Variants in CSMD1 observed in about 807,000 individuals in gnomAD.
CSMD1 encodes CUB and Sushi multiple domains 1.
Under a neutral mutation model 417.5 loss-of-function variants are expected in CSMD1, and 213 were observed. The ratio of observed to expected loss-of-function variants is 0.51; its 90% CI spans 0.46 to 0.57. CSMD1 has a LOEUF of 0.57. CSMD1 is among the 20% of genes least tolerant of loss of function. The pLI, the probability that CSMD1 is intolerant of heterozygous loss-of-function variation, is 0.00. For synonymous variants in CSMD1, 2,862 were observed against 1,736.8 expected (o/e 1.65, Z -16.11); for missense variants, 6,923 against 4,529.7 (o/e 1.53, Z -15.17).
intron 4 of CSMD1, among the ~76,000 whole-genome samples, chr8:4,029,568 G>C (rs1010261540): frequency 6.6e-6 from 1 of 152,032 alleles, no homozygotes; most frequent in African/African-American, 2.4e-5. Flanking sequence ...CCTCCCACTG[G>C]CTTCCTCCCA....
chr8:3,240,845 G>T (rs375208343), intron 26 of CSMD1, among the ~76,000 whole-genome samples: 6 of 152,162 alleles, frequency 3.9e-5, no homozygotes, highest in African/African-American at 1.4e-4. Context: ...TCTGGTTCTA[G>T]AACAGGTAAA....
intron 5 of CSMD1, among the ~76,000 whole-genome samples, chr8:3,839,013 T>G (rs1427263408): frequency 7.8e-6 from 1 of 127,774 alleles, no homozygotes; most frequent in Non-Finnish European, 1.6e-5. Flanking sequence ...ATTATATATT[T>G]ATATGTTGAT....
At chr8:3,103,338 T>G (rs962157164) in intron 46 of CSMD1, among the ~76,000 whole-genome samples, 1 of 152,126 alleles carries the variant, frequency 6.6e-6, no homozygotes, top group Non-Finnish European at 1.5e-5. Context: ...ACCTTCAGTT[T>G]GGTCCAGGAA....
At chr8:3,938,902 C>G (rs564604768) in intron 5 of CSMD1, among the ~76,000 whole-genome samples, 28 of 152,028 alleles carry the variant, frequency 1.8e-4, no homozygotes, top group African/African-American at 6.8e-4. Context: ...TATCTATATG[C>G]TCAATACTCT....
At chr8:4,821,082 G>A (rs948500220) in intron 1 of CSMD1, among the ~76,000 whole-genome samples, 1 of 152,100 alleles carries the variant, frequency 6.6e-6, no homozygotes, top group African/African-American at 2.4e-5. Context: ...TCTTCCTTAA[G>A]TGTAAAAAGA....
intron 1 of CSMD1, among the ~76,000 whole-genome samples, chr8:4,658,860 G>A (rs1239908571): frequency 6.6e-6 from 1 of 152,080 alleles, no homozygotes. Flanking sequence ...ATGGTCTGGG[G>A]TTGGGAGTCT....
At chr8:2,961,737 C>T (rs552100886) in intron 61 of CSMD1, among the ~76,000 whole-genome samples, 1 of 152,320 alleles carries the variant, frequency 6.6e-6, no homozygotes, top group East Asian at 1.9e-4. Flanking sequence ...AGTGGCACTT[C>T]AGCTCTCTTA....
intron 10 of CSMD1, among the ~76,000 whole-genome samples, chr8:3,503,388 G>T (rs892254876): frequency 6.6e-6 from 1 of 152,216 alleles, no homozygotes; most frequent in Non-Finnish European, 1.5e-5. Context: ...GCTACAAAAA[G>T]TCAAAGCTGC....
intron 7 of CSMD1, among the ~76,000 whole-genome samples, chr8:3,619,126 T>C (rs13250016): frequency 0.53 from 79,573 of 150,376 alleles, 20,992 homozygotes; most frequent in Middle Eastern, 0.61. Context: ...ATATCTAAGG[T>C]CCCAATGAGA....
chr8:3,727,929 C>A (rs981285330), intron 6 of CSMD1, among the ~76,000 whole-genome samples: 2 of 152,030 alleles, frequency 1.3e-5, no homozygotes, highest in East Asian at 1.9e-4. Context: ...CAAAGAGCGG[C>A]AGGGAGGAGG....
Position 4,637,405 on chromosome 8 carries a change from T to A in CSMD1, c.239A>T (p.Glu80Val). Residue 80 changes from glutamate (E) to valine (V), a missense_variant, in exon 2 of 70, where the codon GAA (glutamate) becomes GTA (valine). By Grantham distance (121) the Glu-to-Val change is moderately radical (BLOSUM62 -2). Transcript: ENST00000635120. ...AACTGATAAAATATCAAAATCTTCT[T>A]CAAGAGCAAAGGTATGGAAGGACAA... ...IQLSFHTFAL[E>V]EDFDILSVYD... is the part of the protein sequence containing the mutation. The A allele has an allele frequency of 6.2e-7, 1 of 1,613,936 alleles. No individual in the cohort carries two copies. The highest frequency in any genetic ancestry group is 8.5e-7 in the Non-Finnish European group (1 of 1,179,890).
At chr8:3,650,915 G>A (rs1014209052) in intron 7 of CSMD1, among the ~76,000 whole-genome samples, 3 of 151,984 alleles carry the variant, frequency 2.0e-5, no homozygotes, top group Non-Finnish European at 4.4e-5. Flanking sequence ...CAGACTTCTG[G>A]TCTCTCCGAC....
In CSMD1 at chr8:3,069,906, G is replaced by T. The variant is rs80041938; in HGVS notation, c.7474+17191C>A. On this transcript the variant is annotated intron_variant, in intron 49 of 69. Transcript: ENST00000635120. ...TTTTTCATACATACTCCAAAATCTA[G>T]GTAGAGGCTATCAGGTACTCTTCAT... Among the ~76,000 whole-genome samples the T allele has an allele frequency of 2.0e-5, 3 of 152,328 alleles. No individual in the cohort carries two copies. The South Asian group carries it at 6.2e-4, about 32-fold the overall frequency.
In CSMD1 at chr8:4,994,752, C is replaced by G. The variant is rs953889269; in HGVS notation, c.-336G>C. The G allele has an allele frequency of 3.5e-6, 1 of 282,660 alleles. No homozygotes were observed. Among genetic ancestry groups the G allele is most frequent in the East Asian group, 8.2e-5 (1 of 12,266 alleles). 17.5% of individuals were successfully genotyped at this position (282,660 alleles called of 1,614,324 possible). ...GGGGAGAAGCGGGGAGAGGAGCGCGCGCAGCCAGGAGAGACCTGGAGAGGA... is the reference window on the plus strand; with the variant it reads ...GGGGAGAAGCGGGGAGAGGAGCGCGGGCAGCCAGGAGAGACCTGGAGAGGA... On this transcript the variant is annotated 5_prime_UTR_variant, in exon 1 of 70. Transcript: ENST00000635120.
rs939587556 is a variant in CSMD1 at position 3,468,919 on chromosome 8, C to G, written c.1449-95G>C. On this transcript the variant is annotated intron_variant, in intron 11 of 69. Coordinates refer to ENST00000635120, the MANE Select transcript of CSMD1 (RefSeq NM_033225.6). ...GGTCTTGCTGCTTTAAACAGCCAAA[C>G]CCTAGATATATAGGTAGCAAGACCC... The G allele has an allele frequency of 1.1e-5, 8 of 719,284 alleles. No individual in the cohort carries two copies. The Admixed American group carries it at 1.9e-4, about 17-fold the overall frequency. The allele number at this position is 719,284 out of a possible 1,614,324, so 44.6% of individuals were successfully genotyped here.
intron 5 of CSMD1, among the ~76,000 whole-genome samples, chr8:3,789,726 A>AT (rs55917452): frequency 0.02 from 2,031 of 101,088 alleles, 62 homozygotes; most frequent in African/African-American, 0.055. Flanking sequence ...ATCATGGTTA[A>AT]TTTTTTTTTT....
chr8:4,228,976 G>A (rs1000238032), intron 3 of CSMD1, among the ~76,000 whole-genome samples: 1 of 152,086 alleles, frequency 6.6e-6, no homozygotes, highest in African/African-American at 2.4e-5. Context: ...CAGGACCCCT[G>A]ATTTTAAAGC....
At chr8:4,518,575 A>G (rs996970498) in intron 2 of CSMD1, among the ~76,000 whole-genome samples, 1 of 143,900 alleles carries the variant, frequency 6.9e-6, no homozygotes, top group African/African-American at 2.6e-5. Flanking sequence ...GTGAGAACAC[A>G]TGGACACAGG....
chr8:3,505,846 A>C (rs1171113239), intron 10 of CSMD1, among the ~76,000 whole-genome samples: 1 of 152,200 alleles, frequency 6.6e-6, no homozygotes, highest in East Asian at 1.9e-4. Flanking sequence ...CCTTATCACC[A>C]ACTTGGCTGA....
Sources: allele counts gnomAD v4.1 joint callset (sites outside exome capture counted in the v4.1 genomes callset), GRCh38; gene constraint gnomAD v4.1.1; transcripts MANE v1.5; gene names NCBI Gene and HGNC (gene_info 2026-07-23, HGNC 2026-07-21).